Variants in SULF1 observed in about 807,000 individuals in gnomAD.
The protein encoded by SULF1 is extracellular sulfatase Sulf-1.
SULF1 carries 46 observed loss-of-function variants against 110.5 expected under a neutral mutation model. That is an observed-to-expected ratio of 0.42 (90% CI 0.33 to 0.53). The LOEUF (loss-of-function observed/expected upper bound fraction) is 0.53, where lower values mean the gene tolerates loss of function less well. Ranked by LOEUF, SULF1 falls within the 20% of genes least tolerant of loss-of-function variation. SULF1 has a pLI of 0.12. For synonymous variants in SULF1, 371 were observed against 387.1 expected (o/e 0.96, Z 0.49); for missense variants, 941 against 1,094.2 (o/e 0.86, Z 1.98).
intron 22 of SULF1, among the ~76,000 whole-genome samples, chr8:69,655,717 GTTATC>G (rs1304948268): frequency 1.3e-5 from 2 of 152,102 alleles, no homozygotes; most frequent in African/African-American, 4.8e-5. Context: ...CTAAATCCCT[GTTATC>G]TTATTTAACC....
intron 3 of SULF1, among the ~76,000 whole-genome samples, chr8:69,529,919 G>A (rs934764990): frequency 6.6e-5 from 10 of 152,190 alleles, no homozygotes; most frequent in Non-Finnish European, 1.5e-4. Context: ...GTGTGGGAGG[G>A]AGCTGCACAA....
intron 3 of SULF1, among the ~76,000 whole-genome samples, chr8:69,530,660 G>A (rs1813019899): frequency 6.6e-6 from 1 of 152,152 alleles, no homozygotes; most frequent in Non-Finnish European, 1.5e-5. Flanking sequence ...TGAACTATTT[G>A]AATGAATTGT....
intron 15 of SULF1, among the ~76,000 whole-genome samples, chr8:69,624,975 G>A (rs1809890375): frequency 6.6e-6 from 1 of 152,138 alleles, no homozygotes; most frequent in African/African-American, 2.4e-5. Flanking sequence ...TATCTCTGAG[G>A]CTCTGGTCTC....
At chr8:69,625,368 C>T (rs944942961) in intron 15 of SULF1, among the ~76,000 whole-genome samples, 1 of 152,240 alleles carries the variant, frequency 6.6e-6, no homozygotes, top group Non-Finnish European at 1.5e-5. Flanking sequence ...ATTTTGTCCT[C>T]ACTGGTGGCT....
intron 22 of SULF1, among the ~76,000 whole-genome samples, chr8:69,651,941 C>T (rs1205964325): frequency 6.6e-6 from 1 of 152,082 alleles, no homozygotes; most frequent in Non-Finnish European, 1.5e-5. Flanking sequence ...GTCAGAAATT[C>T]GAAATGAATC....
At chr8:69,486,354 G>C (rs987724115) in intron 1 of SULF1, among the ~76,000 whole-genome samples, 4 of 151,998 alleles carry the variant, frequency 2.6e-5, no homozygotes, top group Non-Finnish European at 5.9e-5. Context: ...TGTAGAGCTA[G>C]GATTTGGACC....
intron 3 of SULF1, among the ~76,000 whole-genome samples, chr8:69,522,680 C>T (rs1177270685): frequency 1.3e-5 from 2 of 152,052 alleles, no homozygotes; most frequent in Non-Finnish European, 2.9e-5. Flanking sequence ...GAGAAGAGCT[C>T]CAGTAAAGTA....
intron 1 of SULF1, among the ~76,000 whole-genome samples, chr8:69,470,458 C>T (rs746031116): frequency 7.2e-5 from 11 of 152,134 alleles, no homozygotes; most frequent in Admixed American, 3.9e-4. Flanking sequence ...GTGGGGAATT[C>T]GCCAGTTAGC....
chr8:69,557,160 A>G (rs1444340185), intron 3 of SULF1, among the ~76,000 whole-genome samples: 4 of 152,134 alleles, frequency 2.6e-5, no homozygotes, highest in East Asian at 3.9e-4. Flanking sequence ...GAAGTTTCCA[A>G]TGCCTCTTCT....
rs1276341124 is a variant in SULF1, at chr8:69,660,467, A to G, written c.*1932A>G. On this transcript the variant is annotated 3_prime_UTR_variant, in exon 23 of 23. Transcript: ENST00000402687. The stretch of plus-strand genomic sequence containing the variant: ...TAGGTTTTTAAATACCAGCTAAAGG[A>G]TTACCTCACTGAGTCATCAGTACCC... 6.6e-6 allele frequency: 1 copy of G among 152,636 alleles called. No individual in the cohort carries two copies. Among genetic ancestry groups the G allele is most frequent in the Non-Finnish European group, 1.5e-5 (1 of 68,036 alleles). The allele number at this position is 152,636 out of a possible 1,614,324, so 9.5% of individuals were successfully genotyped here.
chr8:69,571,872 C>T (rs1805259835), intron 5 of SULF1, among the ~76,000 whole-genome samples: 1 of 152,206 alleles, frequency 6.6e-6, no homozygotes, highest in Non-Finnish European at 1.5e-5. Flanking sequence ...TCGATGCTTT[C>T]CTTACTGGTA....
rs370806055 is a variant in SULF1, at chr8:69,624,129, C to T, written c.1782C>T (p.Asn594=). The change falls in exon 15 of 23, where the codon AAC becomes AAT. Residue 594 remains asparagine (N), a synonymous_variant. Coordinates refer to ENST00000402687, the MANE Select transcript of SULF1 (RefSeq NM_001128205.2). ...PRDLQASSGG[N]RGRMLADSSN... ...ATCTCCAGGCTTCCAGTGGTGGCAA[C>T]AGGGGCAGGATGCTGGCAGATAGCA... 1.2e-6 allele frequency: 2 copies of T among 1,613,558 alleles called. No individual in the cohort carries two copies. Among genetic ancestry groups the T allele is most frequent in the Non-Finnish European group, 1.7e-6 (2 of 1,179,616 alleles).
At chr8:69,554,833 G>A in intron 3 of SULF1, among the ~76,000 whole-genome samples, 1 of 151,728 alleles carries the variant, frequency 6.6e-6, no homozygotes, top group East Asian at 1.9e-4. Flanking sequence ...CAGAAAATTA[G>A]CCAGGCGTGG....
intron 3 of SULF1, among the ~76,000 whole-genome samples, chr8:69,561,039 A>G (rs1276586013): frequency 6.6e-6 from 1 of 152,214 alleles, no homozygotes; most frequent in East Asian, 1.9e-4. Context: ...ATAAACATTA[A>G]AGATCTGTTG....
At chr8:69,594,114 C>A (rs1176710906) in intron 8 of SULF1, among the ~76,000 whole-genome samples, 1 of 151,858 alleles carries the variant, frequency 6.6e-6, no homozygotes, top group Non-Finnish European at 1.5e-5. Context: ...TGCAATGGCA[C>A]AATCTCGGCT....
intron 2 of SULF1, among the ~76,000 whole-genome samples, chr8:69,497,305 C>A (rs1329912645): frequency 6.6e-6 from 1 of 151,900 alleles, no homozygotes; most frequent in East Asian, 1.9e-4. Flanking sequence ...TTACAGGCAC[C>A]TGCCACCACG....
chr8:69,596,472 CA>C (rs1340341938), intron 8 of SULF1, among the ~76,000 whole-genome samples: 1 of 152,116 alleles, frequency 6.6e-6, no homozygotes, highest in Non-Finnish European at 1.5e-5. Context: ...GTATTTGCAA[CA>C]AAAGTAGACC....
intron 6 of SULF1, among the ~76,000 whole-genome samples, chr8:69,580,833 A>G (rs1432419843): frequency 6.6e-6 from 1 of 152,198 alleles, no homozygotes; most frequent in Admixed American, 6.5e-5. Flanking sequence ...AAGAAAAATT[A>G]TATCAAATAA....
At chr8:69,490,102 C>CTTTTT (rs59483735), upstream of SULF1, among the ~76,000 whole-genome samples, 6 of 117,174 alleles carry the variant, frequency 5.1e-5, no homozygotes, top group East Asian at 2.7e-4. Context: ...CCATACTTTT[C>CTTTTT]TTTTTTTTTT....
Sources: gnomAD v4.1 joint callset for allele counts (sites outside exome capture counted in the v4.1 genomes callset) on GRCh38, gnomAD v4.1.1 for gene constraint, MANE v1.5 for transcripts, NCBI Gene and HGNC (gene_info 2026-07-23, HGNC 2026-07-21) for gene names.